The following ZNF469 variants were observed in gnomAD, a reference collection of about 807,000 sequenced individuals.
ZNF469 encodes the protein zinc finger protein 469.
A neutral mutation model predicts 1.0 loss-of-function variants in ZNF469; 1 was observed. The observed-to-expected ratio is 1.00, with a 90% CI of 0.35 to 4.73. The LOEUF (loss-of-function observed/expected upper bound fraction) is 4.73. ZNF469 is among the 30% of genes most tolerant of loss of function. The pLI is 0.16. For missense variants in ZNF469, 6,100 were observed against 5,356.3 expected (o/e 1.14, Z -4.33); for synonymous variants, 2,703 against 2,363.4 (o/e 1.14, Z -4.17).
At chr16:88,401,215 T>G (rs1440057566) in intron 1 of ZNF469, among the ~76,000 whole-genome samples, 1 of 152,080 alleles carries the variant, frequency 6.6e-6, no homozygotes, top group Non-Finnish European at 1.5e-5. Flanking sequence ...TCTCCCAGCA[T>G]TGGGGTATGC....
At chr16:88,130,552 A>G in the ZNF469 span, among the ~76,000 whole-genome samples, 1 of 151,930 alleles carries the variant, frequency 6.6e-6, no homozygotes, top group South Asian at 2.1e-4. Flanking sequence ...CTAACGATAC[A>G]AAAATTAGCT....
chr16:88,277,322 G>A, the ZNF469 span, among the ~76,000 whole-genome samples: 43 of 141,450 alleles, frequency 3.0e-4, 2 homozygotes, highest in East Asian at 1.7e-3. Context: ...ATCAGTGCAC[G>A]GTTAGTGCTG....
At chr16:88,282,092 G>C in the ZNF469 span, among the ~76,000 whole-genome samples, 1 of 152,154 alleles carries the variant, frequency 6.6e-6, no homozygotes, top group Non-Finnish European at 1.5e-5. Flanking sequence ...GGTGTATAGT[G>C]TAGGGTAGTC....
At chr16:88,176,983 T>C in the ZNF469 span, among the ~76,000 whole-genome samples, 2 of 152,198 alleles carry the variant, frequency 1.3e-5, no homozygotes, top group South Asian at 4.1e-4. Flanking sequence ...GGAAGCCTCA[T>C]CCGGGAATGG....
the ZNF469 span, among the ~76,000 whole-genome samples, chr16:88,304,732 C>T: frequency 3.3e-5 from 5 of 152,326 alleles, no homozygotes; most frequent in African/African-American, 9.6e-5. Context: ...AGCATCTGCT[C>T]CTGGATGTTG....
In ZNF469 at chr16:88,437,623, G is replaced by C. The variant is rs1906686789; in HGVS notation, c.10153G>C (p.Gly3385Arg). Residue 3385 changes from glycine to arginine, a missense_variant, in exon 3 of 3, where the codon GGC (glycine) becomes CGC (arginine). Coordinates refer to ENST00000565624, the MANE Select transcript of ZNF469 (RefSeq NM_001367624.2). ...GCACGGGGAGCTGCTGGCACACCTG[G>C]GCGGGGCGCACGGGCTGCTGGAGCG... ...PEHGELLAHL[G>R]GAHGLLERPE... The C allele has an allele frequency of 2.6e-6, 4 of 1,540,930 alleles. No individual in the cohort carries two copies. In the East Asian group the frequency reaches 7.4e-5, roughly 29 times the overall value.
chr16:88,251,851 G>T, the ZNF469 span, among the ~76,000 whole-genome samples: 4 of 151,868 alleles, frequency 2.6e-5, no homozygotes, highest in Non-Finnish European at 5.9e-5. Flanking sequence ...GAGTCACCGC[G>T]CCGGGCCCCT....
the ZNF469 span, among the ~76,000 whole-genome samples, chr16:88,219,329 G>T: frequency 4.2e-3 from 591 of 141,910 alleles, 1 homozygote; most frequent in African/African-American, 0.016. Flanking sequence ...TAAGCCAAAA[G>T]AACAAAGCTG....
At chr16:88,110,147 C>G in the ZNF469 span, among the ~76,000 whole-genome samples, 1 of 152,214 alleles carries the variant, frequency 6.6e-6, no homozygotes, top group African/African-American at 2.4e-5. Flanking sequence ...TCTTCAGAGT[C>G]ACACACACGT....
At chr16:88,380,258 C>G (rs912905515), upstream of ZNF469, among the ~76,000 whole-genome samples, 23 of 147,438 alleles carry the variant, frequency 1.6e-4, no homozygotes, top group Admixed American at 1.2e-3. Flanking sequence ...TGCACTCACA[C>G]ACGTGCACTC....
the ZNF469 span, among the ~76,000 whole-genome samples, chr16:88,343,708 G>C: frequency 3.3e-5 from 5 of 152,030 alleles, no homozygotes; most frequent in Non-Finnish European, 7.4e-5. Flanking sequence ...TTCTTATGAA[G>C]CCACTAGTCC....
the ZNF469 span, among the ~76,000 whole-genome samples, chr16:88,371,907 C>T: frequency 6.6e-6 from 1 of 151,002 alleles, no homozygotes; most frequent in Non-Finnish European, 1.5e-5. Flanking sequence ...CTACCATTAC[C>T]ATCACCATGA....
chr16:88,431,665 C>T lies in ZNF469; in HGVS notation c.4195C>T (p.His1399Tyr), dbSNP rs886052404. 2 of 1,550,446 alleles carry T rather than the reference C, an allele frequency of 1.3e-6. No homozygotes were observed. Among genetic ancestry groups the T allele is most frequent in the Non-Finnish European group, 1.7e-6 (2 of 1,146,978 alleles). ...GGCTGGCTGTTTCCTGGAAGAACTG[C>T]ACCCCAAGCCCTCAGCCAGGGATGC... ...DLAGCFLEEL[H>Y]PKPSARDAPP... The change falls in exon 3 of 3, where the codon CAC becomes TAC. Residue 1399 changes from histidine to tyrosine, a missense_variant. By Grantham distance (83) the His-to-Tyr change is moderately conservative (BLOSUM62 2). Transcript: ENST00000565624.
At chr16:88,280,591 G>T in the ZNF469 span, among the ~76,000 whole-genome samples, 1 of 151,914 alleles carries the variant, frequency 6.6e-6, no homozygotes, top group South Asian at 2.1e-4. Flanking sequence ...TTGGTGCACA[G>T]GTTAGTGCTG....
upstream of ZNF469, among the ~76,000 whole-genome samples, chr16:88,380,158 C>G (rs1179363132): frequency 6.6e-6 from 1 of 150,802 alleles, no homozygotes; most frequent in Admixed American, 6.6e-5. Context: ...CACAAATGCA[C>G]TCACAGACAT....
chr16:88,430,472 C>T lies in ZNF469; in HGVS notation c.3002C>T (p.Ala1001Val), dbSNP rs1045848516. 1.2e-5 allele frequency: 17 copies of T among 1,442,568 alleles called. No homozygotes were observed. The highest frequency in any genetic ancestry group is 1.4e-5 in the Non-Finnish European group (15 of 1,107,730). 89.4% of individuals were successfully genotyped at this position (1,442,568 alleles called of 1,614,324 possible). A position where few individuals can be genotyped will look rare whatever the true frequency, so the allele number is the denominator to read the frequency against. ...CGTCCCCGGCGCCCTAGAACGCAGG[C>T]CCCCGGGAGCCGCGCAGACCCCGCG... Reference protein sequence around the residue: ...PPRPRRPRTQAPGSRADPAPR... With the variant: ...PPRPRRPRTQVPGSRADPAPR... The change falls in exon 3 of 3, where the codon GCC (alanine) becomes GTC (valine). Residue 1001 changes from alanine to valine, a missense_variant. Transcript: ENST00000565624.
At chr16:88,336,888 A>G in the ZNF469 span, among the ~76,000 whole-genome samples, 1 of 152,056 alleles carries the variant, frequency 6.6e-6, no homozygotes, top group African/African-American at 2.4e-5. Flanking sequence ...GCCCCTGGCC[A>G]CCCCGAGTCT....
chr16:88,357,384 G>T, the ZNF469 span, among the ~76,000 whole-genome samples: 1 of 152,322 alleles, frequency 6.6e-6, no homozygotes, highest in Non-Finnish European at 1.5e-5. Context: ...TCCAGTCCTC[G>T]ACTGCGTTGA....
At chr16:88,314,359 C>T in the ZNF469 span, among the ~76,000 whole-genome samples, 1 of 142,974 alleles carries the variant, frequency 7.0e-6, no homozygotes, top group Non-Finnish European at 1.5e-5. Context: ...TGGGCTGTCT[C>T]TGTAATTAAG....
Sources: allele counts gnomAD v4.1 joint callset (sites outside exome capture counted in the v4.1 genomes callset), GRCh38; gene constraint gnomAD v4.1.1; transcripts MANE v1.5; gene names NCBI Gene and HGNC (gene_info 2026-07-23, HGNC 2026-07-21).